Variants in NLK observed in about 807,000 individuals in gnomAD.
NLK encodes the protein nemo like kinase.
A neutral mutation model predicts 59.0 loss-of-function variants in NLK; 11 were observed. The observed-to-expected ratio is 0.19, with a 90% confidence interval of 0.12 to 0.31. The LOEUF is 0.31. NLK is among the 10% of genes least tolerant of loss of function. The pLI is 1.00. For synonymous variants in NLK, 235 were observed against 235.9 expected (o/e 1.00, Z 0.03); for missense variants, 410 against 661.1 (o/e 0.62, Z 4.16).
chr17:28,098,428 T>C (rs1156672038), intron 1 of NLK, among the ~76,000 whole-genome samples: 3 of 152,166 alleles, frequency 2.0e-5, no homozygotes, highest in Non-Finnish European at 4.4e-5. Context: ...TACTCACTTA[T>C]TTGTACTATA....
intron 1 of NLK, among the ~76,000 whole-genome samples, chr17:28,109,236 G>T (rs537695660): frequency 1.1e-4 from 17 of 152,162 alleles, no homozygotes; most frequent in African/African-American, 3.9e-4. Flanking sequence ...TAAATAAGTG[G>T]TTAATATGTG....
At chr17:28,090,382 GGTT>G (rs1401004509) in intron 1 of NLK, among the ~76,000 whole-genome samples, 1 of 152,022 alleles carries the variant, frequency 6.6e-6, no homozygotes, top group Non-Finnish European at 1.5e-5. Flanking sequence ...TTACCTGTGT[GGTT>G]GTTGTTTCCT....
At chr17:28,183,205 A>C (rs1358087835) in intron 7 of NLK, among the ~76,000 whole-genome samples, 2 of 152,252 alleles carry the variant, frequency 1.3e-5, no homozygotes, top group African/African-American at 4.8e-5. Flanking sequence ...AGCAGCACTT[A>C]GAGCTAATGG....
chr17:28,197,383 C>T (rs994250991), downstream of NLK, among the ~76,000 whole-genome samples: 10 of 151,160 alleles, frequency 6.6e-5, no homozygotes, highest in Admixed American at 6.6e-4. Context: ...GCAGGAAAAT[C>T]GTTTGAACCC....
intron 10 of NLK, among the ~76,000 whole-genome samples, chr17:28,193,274 C>G (rs953904768): frequency 1.4e-4 from 22 of 152,106 alleles, no homozygotes; most frequent in African/African-American, 4.8e-4. Flanking sequence ...AGAAGAGGTT[C>G]CTCATGTAAG....
chr17:28,146,799 C>T (rs932105765), intron 3 of NLK, among the ~76,000 whole-genome samples: 1 of 152,102 alleles, frequency 6.6e-6, no homozygotes, highest in East Asian at 1.9e-4. Flanking sequence ...AGTACAAGAA[C>T]GAGGGCTGTG....
Position 28,161,215 on chromosome 17 carries a change from C to G in NLK, c.700C>G (p.Gln234Glu). Residue 234 changes from glutamine (Q) to glutamate (E), a missense_variant, in exon 4 of 11, where the codon CAA (glutamine) becomes GAA (glutamate). Physicochemically the swap from Gln to Glu is conservative, Grantham distance 29. This residue lies in a region of NLK where 73 missense variants were observed against 197.2 expected (regional missense o/e 0.37). Coordinates refer to ENST00000407008, the MANE Select transcript of NLK (RefSeq NM_016231.5). ...CCTACATAAAATTATCGTCTCTCCT[C>G]AACCACTCAGCTCAGATCATGTCAA... ...SDLHKIIVSP[Q>E]PLSSDHVKVF... The G allele has an allele frequency of 6.2e-7, 1 of 1,612,144 alleles. No individual in the cohort carries two copies. The highest frequency in any genetic ancestry group is 8.5e-7 in the Non-Finnish European group (1 of 1,178,224).
At chr17:28,080,593 A>G (rs571375642) in intron 1 of NLK, among the ~76,000 whole-genome samples, 2 of 152,304 alleles carry the variant, frequency 1.3e-5, no homozygotes, top group East Asian at 3.9e-4. Flanking sequence ...AATGAAGGGT[A>G]AGTTCATGCT....
intron 8 of NLK, among the ~76,000 whole-genome samples, chr17:28,188,480 A>G (rs1909198310): frequency 6.6e-6 from 1 of 152,126 alleles, no homozygotes; most frequent in Admixed American, 6.5e-5. Flanking sequence ...TTAAGAAAGA[A>G]ATGAGGTGTG....
chr17:28,045,772 T>C (rs1909028694), intron 1 of NLK, among the ~76,000 whole-genome samples: 1 of 152,232 alleles, frequency 6.6e-6, no homozygotes, highest in African/African-American at 2.4e-5. Context: ...ACTAATATTC[T>C]GAAACCCAAG....
chr17:28,197,911 A>G (rs1455818996), downstream of NLK, among the ~76,000 whole-genome samples: 2 of 152,240 alleles, frequency 1.3e-5, no homozygotes, highest in East Asian at 1.9e-4. Context: ...CTTTACTTCA[A>G]GAAGATGACA....
chr17:28,070,470 C>G (rs1481474547), intron 1 of NLK, among the ~76,000 whole-genome samples: 1 of 150,282 alleles, frequency 6.7e-6, no homozygotes, highest in South Asian at 2.1e-4. Flanking sequence ...TCTCCTACCT[C>G]AGCCTCCTGA....
At chr17:28,168,200 G>A (rs1908320711) in intron 5 of NLK, among the ~76,000 whole-genome samples, 1 of 151,548 alleles carries the variant, frequency 6.6e-6, no homozygotes, top group Admixed American at 6.6e-5. Context: ...GCCAGGCGTG[G>A]TGGTAGGCAC....
intron 1 of NLK, among the ~76,000 whole-genome samples, chr17:28,092,429 GT>G (rs1247667697): frequency 6.6e-6 from 1 of 152,164 alleles, no homozygotes; most frequent in Non-Finnish European, 1.5e-5. Context: ...TACTTAATAG[GT>G]GGGAGCTCTT....
At chr17:28,187,980 G>A (rs1909181207) in intron 8 of NLK, among the ~76,000 whole-genome samples, 1 of 152,166 alleles carries the variant, frequency 6.6e-6, no homozygotes, top group Admixed American at 6.5e-5. Context: ...GCTGAGGCAG[G>A]AGAATCTCCT....
chr17:28,183,047 A>G (rs754901650), intron 7 of NLK, among the ~76,000 whole-genome samples: 1 of 152,186 alleles, frequency 6.6e-6, no homozygotes, highest in Non-Finnish European at 1.5e-5. Flanking sequence ...CCCTGAAGAA[A>G]CAGAGGATGT....
chr17:28,120,517 G>A (rs751036683), intron 1 of NLK, among the ~76,000 whole-genome samples: 1 of 152,130 alleles, frequency 6.6e-6, no homozygotes, highest in Non-Finnish European at 1.5e-5. Context: ...CCAGAAGGCT[G>A]AGGCAGGAAG....
chr17:28,172,278 T>C (rs944818126), intron 6 of NLK, among the ~76,000 whole-genome samples: 1 of 149,804 alleles, frequency 6.7e-6, no homozygotes, highest in Non-Finnish European at 1.5e-5. Context: ...TAAATTCCTT[T>C]ACATGAGGAA....
intron 7 of NLK, among the ~76,000 whole-genome samples, chr17:28,176,459 G>A (rs1322170125): frequency 1.3e-5 from 2 of 151,998 alleles, no homozygotes; most frequent in Admixed American, 1.3e-4. Flanking sequence ...TTATATACTA[G>A]CTCATTAAAT....
Sources: gnomAD v4.1 joint callset for allele counts (sites outside exome capture counted in the v4.1 genomes callset) on GRCh38, gnomAD v4.1.1 for gene constraint, gnomAD v4.1.1 regional missense constraint, MANE v1.5 for transcripts, NCBI Gene and HGNC (gene_info 2026-07-23, HGNC 2026-07-21) for gene names.